ASTN2: variants seen among roughly 807,000 people sequenced by gnomAD.
The protein encoded by ASTN2 is astrotactin-2.
In ASTN2, 54 loss-of-function variants were observed where a neutral mutation model predicts 139.8. The observed-to-expected ratio is 0.39, with a 90% CI of 0.31 to 0.48. The LOEUF (loss-of-function observed/expected upper bound fraction) is 0.48, where lower values mean the gene tolerates loss of function less well. Ranked by LOEUF, ASTN2 falls within the 20% of genes least tolerant of loss-of-function variation. ASTN2 has a pLI of 0.95. For missense variants in ASTN2, 1,565 were observed against 1,725.1 expected (o/e 0.91, Z 1.64); for synonymous variants, 756 against 719.5 (o/e 1.05, Z -0.81).
intron 13 of ASTN2, among the ~76,000 whole-genome samples, chr9:116,778,807 G>A (rs113205314): frequency 2.2e-3 from 330 of 152,108 alleles, no homozygotes; most frequent in African/African-American, 6.7e-3. Flanking sequence ...GCAATTTATC[G>A]CCACCTGTCT....
At chr9:117,270,632 G>T (rs1461172997) in intron 2 of ASTN2, among the ~76,000 whole-genome samples, 1 of 152,140 alleles carries the variant, frequency 6.6e-6, no homozygotes, top group African/African-American at 2.4e-5. Context: ...CCATTGAGTG[G>T]CTCTGTGATC....
At chr9:117,088,579 T>C (rs1342815677) in intron 5 of ASTN2, among the ~76,000 whole-genome samples, 1 of 152,134 alleles carries the variant, frequency 6.6e-6, no homozygotes, top group African/African-American at 2.4e-5. Context: ...AGTACGAAGT[T>C]TTGCTTATGG....
chr9:117,017,651 C>T (rs1417433266), intron 6 of ASTN2, among the ~76,000 whole-genome samples: 1 of 152,078 alleles, frequency 6.6e-6, no homozygotes, highest in Non-Finnish European at 1.5e-5. Flanking sequence ...TTTGGATTTC[C>T]TATGGATAGT....
chr9:117,212,231 C>T (rs1454073994), intron 3 of ASTN2, among the ~76,000 whole-genome samples: 1 of 151,916 alleles, frequency 6.6e-6, no homozygotes, highest in African/African-American at 2.4e-5. Context: ...GAAATTAGAC[C>T]CCCACTTTTA....
chr9:117,348,180 G>C (rs540385190), intron 1 of ASTN2, among the ~76,000 whole-genome samples: 1 of 152,274 alleles, frequency 6.6e-6, no homozygotes, highest in African/African-American at 2.4e-5. Flanking sequence ...CCAAGGTGGG[G>C]AAGATTAAGC....
At chr9:116,503,084 G>A (rs1849952641) in intron 19 of ASTN2, among the ~76,000 whole-genome samples, 2 of 146,532 alleles carry the variant, frequency 1.4e-5, no homozygotes, top group Admixed American at 6.9e-5. Context: ...GAGGGAGGAA[G>A]GGAAGGAAGA....
At position 116,976,109 on chromosome 9, in the gene ASTN2, C is replaced by T; in HGVS notation, c.1751+5G>A. On this transcript the variant is annotated splice_donor_5th_base_variant and intron_variant, in intron 9 of 22. Transcript: ENST00000313400. Reference sequence around the variant, plus strand: ...AATTATGCCCCAACAAGAAAGCCAACTCACCTGAGAATCTTTTCAGGGGCT... The same window carrying T: ...AATTATGCCCCAACAAGAAAGCCAATTCACCTGAGAATCTTTTCAGGGGCT... 6.2e-7 allele frequency: 1 copy of T among 1,614,092 alleles called. No individual in the cohort carries two copies. Among genetic ancestry groups the T allele is most frequent in the Non-Finnish European group, 8.5e-7 (1 of 1,179,958 alleles).
chr9:117,377,641 CTATA>C (rs1257176713), intron 1 of ASTN2, among the ~76,000 whole-genome samples: 3 of 150,946 alleles, frequency 2.0e-5, no homozygotes, highest in South Asian at 2.1e-4. Flanking sequence ...TGGCAAGAAG[CTATA>C]TATAAATATA....
chr9:116,530,127 A>ATG (rs1851270349), intron 19 of ASTN2, among the ~76,000 whole-genome samples: 3 of 36,488 alleles, frequency 8.2e-5, no homozygotes, highest in Admixed American at 7.2e-4. Flanking sequence ...ATATATATAT[A>ATG]TATATATATA....
intron 3 of ASTN2, among the ~76,000 whole-genome samples, chr9:117,159,226 T>C (rs1285480448): frequency 2.6e-5 from 4 of 152,048 alleles, no homozygotes; most frequent in Admixed American, 1.3e-4. Flanking sequence ...TTATTTTTCA[T>C]GGAGCATTTT....
At chr9:116,434,042 T>C (rs527855780) in intron 22 of ASTN2, among the ~76,000 whole-genome samples, 4 of 152,136 alleles carry the variant, frequency 2.6e-5, no homozygotes, top group African/African-American at 7.2e-5. Context: ...CATGGGACAC[T>C]AGTTCAAAGT....
chr9:116,960,105 T>C (rs1835834167), intron 10 of ASTN2, among the ~76,000 whole-genome samples: 1 of 152,170 alleles, frequency 6.6e-6, no homozygotes, highest in Non-Finnish European at 1.5e-5. Flanking sequence ...AGGGTGTCTC[T>C]GGCTCACTTT....
intron 20 of ASTN2, among the ~76,000 whole-genome samples, chr9:116,456,411 T>C (rs541589566): frequency 8.6e-5 from 13 of 151,954 alleles, no homozygotes; most frequent in Non-Finnish European, 1.6e-4. Flanking sequence ...ATAAAAAAAA[T>C]CCATATTACC....
At chr9:117,055,993 C>T (rs1839051795) in intron 5 of ASTN2, among the ~76,000 whole-genome samples, 1 of 152,234 alleles carries the variant, frequency 6.6e-6, no homozygotes, top group Non-Finnish European at 1.5e-5. Flanking sequence ...TTGAGAGTGG[C>T]CCTATGGCCC....
intron 10 of ASTN2, among the ~76,000 whole-genome samples, chr9:116,957,258 C>G (rs1405764820): frequency 6.6e-6 from 1 of 152,066 alleles, no homozygotes; most frequent in East Asian, 1.9e-4. Context: ...TATACACATG[C>G]ATACATACAC....
chr9:117,381,439 G>A lies in ASTN2; in HGVS notation c.442+33058C>T, dbSNP rs113731405. Among the ~76,000 whole-genome samples, 758 of 152,224 alleles carry A rather than the reference G, an allele frequency of 5.0e-3. 8 individuals are homozygous for A. Among genetic ancestry groups the A allele is most frequent in the African/African-American group, 0.017 (717 of 41,540 alleles). On this transcript the variant is annotated intron_variant, in intron 1 of 22. Coordinates refer to ENST00000313400, the MANE Select transcript of ASTN2 (RefSeq NM_001365068.1). ...TGGGAGGTCACAGAATCATGGGGGT[G>A]GATTTCTCATGAATGGTTTAGTGCC...
intron 13 of ASTN2, among the ~76,000 whole-genome samples, chr9:116,759,779 C>A (rs565433794): frequency 2.6e-4 from 40 of 152,268 alleles, no homozygotes; most frequent in Non-Finnish European, 5.4e-4. Context: ...CCATCCCCAT[C>A]TCTTCCCAGA....
intron 2 of ASTN2, among the ~76,000 whole-genome samples, chr9:117,247,541 T>C (rs1833416887): frequency 6.6e-6 from 1 of 152,214 alleles, no homozygotes; most frequent in South Asian, 2.1e-4. Flanking sequence ...ATGGGATGAT[T>C]TGTCCCAAAT....
In ASTN2 at chr9:116,620,430, G is replaced by A. The variant is rs909738110; in HGVS notation, c.3086C>T (p.Ala1029Val). ...TGAGCACCAGTAGGAACTCATCAGT[G>A]CACTCTTGAAGGCCTGGACAAAAAA... is the stretch of plus-strand genomic sequence containing the variant. ...DNGTKEAFKS[A>V]LMSSYWCSGK... Residue 1029 changes from alanine to valine, a missense_variant, in exon 18 of 23, where the codon GCA (alanine) becomes GTA (valine). Ala to Val is a moderately conservative substitution (Grantham distance 64). This residue lies in a region of ASTN2 where 418 missense variants were observed against 465.8 expected (regional missense o/e 0.90). Transcript: ENST00000313400. 3 of 1,613,976 alleles carry A rather than the reference G, an allele frequency of 1.9e-6. No homozygotes were observed. Among genetic ancestry groups the A allele is most frequent in the Non-Finnish European group, 2.5e-6 (3 of 1,180,008 alleles).
Sources: gnomAD v4.1 joint callset for allele counts (sites outside exome capture counted in the v4.1 genomes callset) on GRCh38, gnomAD v4.1.1 for gene constraint, gnomAD v4.1.1 regional missense constraint, MANE v1.5 for transcripts, NCBI Gene and HGNC (gene_info 2026-07-23, HGNC 2026-07-21) for gene names.